The following MIDEAS variants were observed in gnomAD, a reference collection of about 807,000 sequenced individuals.
The protein encoded by MIDEAS is mitotic deacetylase-associated SANT domain protein.
MIDEAS carries 26 observed loss-of-function variants against 102.7 expected under a neutral mutation model. The ratio of observed to expected loss-of-function variants is 0.25; its 90% confidence interval spans 0.19 to 0.35. The LOEUF (loss-of-function observed/expected upper bound fraction) is 0.35. Ranked by LOEUF, MIDEAS falls within the 10% of genes least tolerant of loss-of-function variation. The pLI is 1.00. For missense variants in MIDEAS, 1,231 were observed against 1,435.6 expected, an observed-to-expected ratio of 0.86 and a Z score of 2.30; for synonymous variants, 585 against 591.0, an observed-to-expected ratio of 0.99 and a Z score of 0.15.
chr14:73,756,373 T>C (rs772223370), intron 1 of MIDEAS, among the ~76,000 whole-genome samples: 6 of 152,106 alleles, frequency 3.9e-5, no homozygotes, highest in Non-Finnish European at 5.9e-5. Context: ...AAAGTTATGC[T>C]GTAATGCTTC....
rs1371677068 is a variant in MIDEAS, at chr14:73,725,552, T to TA, written c.2486-193dup. Among the ~76,000 whole-genome samples, 1 of 152,178 alleles carries TA rather than the reference T, an allele frequency of 6.6e-6. No homozygotes were observed. Among genetic ancestry groups the TA allele is most frequent in the African/African-American group, 2.4e-5 (1 of 41,444 alleles). ...TTGTGAAATGGAAACTAATATCACC[T>TA]AGCTCACCAGCTGTGGTGAGGATTA... On this transcript the variant is annotated intron_variant, in intron 8 of 12. Coordinates refer to ENST00000423556, the MANE Select transcript of MIDEAS (RefSeq NM_001367710.1). This position sits in a 1 kb window ranked among gnomAD's most constrained non-coding sequence, Gnocchi z 4.1.
chr14:73,732,750 C>T (rs2053154437), intron 3 of MIDEAS, among the ~76,000 whole-genome samples: 1 of 135,494 alleles, frequency 7.4e-6, no homozygotes, highest in African/African-American at 2.9e-5. Flanking sequence ...CATGCCACTG[C>T]ACTCTAGCCG....
At position 73,745,885 on chromosome 14, in the gene MIDEAS, G is replaced by A. The variant is rs930612287; in HGVS notation, c.-247-5630C>T. 4.6e-5 allele frequency among the ~76,000 whole-genome samples: 7 copies of A among 152,186 alleles called. No homozygotes were observed. The South Asian group carries it at 1.0e-3, about 22-fold the overall frequency. On this transcript the variant is annotated intron_variant, in intron 1 of 12. Coordinates refer to ENST00000423556, the MANE Select transcript of MIDEAS (RefSeq NM_001367710.1). ...GAGAGAGCAGGCAAGAGGCCCTATGGTCGGCCCATTCCCAATCCAGACAGT... is the reference window on the plus strand; with the variant it reads ...GAGAGAGCAGGCAAGAGGCCCTATGATCGGCCCATTCCCAATCCAGACAGT...
At position 73,725,479 on chromosome 14, in the gene MIDEAS, C is replaced by T. The variant is rs2053048512; in HGVS notation, c.2486-119G>A. ...CCCATGGTTTCTGCAGGCATCAGAGCCGGCTCCTCGTCCCACTTCCATGTG... is the reference window on the plus strand; with the variant it reads ...CCCATGGTTTCTGCAGGCATCAGAGTCGGCTCCTCGTCCCACTTCCATGTG... On this transcript the variant is annotated intron_variant, in intron 8 of 12. Coordinates refer to ENST00000423556, the MANE Select transcript of MIDEAS (RefSeq NM_001367710.1). The surrounding 1 kb of genome is among the most constrained non-coding windows in gnomAD (Gnocchi z 4.1). 5.3e-6 allele frequency: 4 copies of T among 755,870 alleles called. No individual in the cohort carries two copies. Among genetic ancestry groups the T allele is most frequent in the Non-Finnish European group, 9.1e-6 (4 of 440,420 alleles). 46.8% of individuals were successfully genotyped at this position (755,870 alleles called of 1,614,324 possible).
chr14:73,720,451 T>C (rs1177860708), intron 11 of MIDEAS, among the ~76,000 whole-genome samples: 1 of 152,130 alleles, frequency 6.6e-6, no homozygotes, highest in Non-Finnish European at 1.5e-5. Flanking sequence ...TTTCACCTTG[T>C]TGGCCAGGCT....
At chr14:73,719,621 G>T in intron 11 of MIDEAS, 120 bp from the exon 12 acceptor site, 1 of 957,972 alleles carries the variant, frequency 1.0e-6, no homozygotes, top group Non-Finnish European at 1.6e-6. Flanking sequence ...CAGTCACCTA[G>T]CATGCACTTG....
intron 1 of MIDEAS, among the ~76,000 whole-genome samples, chr14:73,780,762 T>G (rs17091479): frequency 0.015 from 2,230 of 152,320 alleles, 57 homozygotes; most frequent in African/African-American, 0.051. Flanking sequence ...TGTTCTGCAC[T>G]TAGAAAACAG....
rs371049661 is a variant in MIDEAS at position 73,717,441 on chromosome 14, T to C, written c.*1402A>G. 5.3e-4 allele frequency: 81 copies of C among 152,360 alleles called. No homozygotes were observed. Among genetic ancestry groups the C allele is most frequent in the African/African-American group, 1.8e-3 (76 of 41,576 alleles). 9.4% of individuals were successfully genotyped at this position (152,360 alleles called of 1,614,324 possible). A position where few individuals can be genotyped will look rare whatever the true frequency, so the allele number is the denominator to read the frequency against. ...TAGAATTCTGGCCTCTTGCCAACTC[T>C]TCCCTCAGGCAAAGCACAGCCAGAG... On this transcript the variant is annotated 3_prime_UTR_variant, in exon 13 of 13. Transcript: ENST00000423556.
chr14:73,730,461 G>A (rs188511044), intron 3 of MIDEAS, among the ~76,000 whole-genome samples: 4 of 152,238 alleles, frequency 2.6e-5, no homozygotes, highest in African/African-American at 4.8e-5. Context: ...CAATCTTTCC[G>A]TGCATCTTCA....
chr14:73,747,905 G>A (rs1224058994), intron 1 of MIDEAS, among the ~76,000 whole-genome samples: 1 of 152,186 alleles, frequency 6.6e-6, no homozygotes, highest in Non-Finnish European at 1.5e-5. Flanking sequence ...ACAGAGCCCT[G>A]AGGGGACTCT....
At chr14:73,769,901 G>GTT (rs1566607782) in intron 1 of MIDEAS, among the ~76,000 whole-genome samples, 2 of 121,818 alleles carry the variant, frequency 1.6e-5, no homozygotes, top group South Asian at 2.8e-4. Flanking sequence ...TGCCCGGCTG[G>GTT]GTTTTTTTTT....
rs548271656 is a variant in MIDEAS, at chr14:73,777,522, C to A, written c.-248+9580G>T. ...CCGGCCCTGCCTGCCCCTTTCTGCA[C>A]CCCTCTCAGCCGTGCTCCACTGCCC... is the stretch of plus-strand genomic sequence containing the variant. On this transcript the variant is annotated intron_variant, in intron 1 of 11. Transcript: ENST00000394071. 2.4e-4 allele frequency among the ~76,000 whole-genome samples: 37 copies of A among 152,048 alleles called. 1 individual carries two copies. Among genetic ancestry groups the A allele is most frequent in the Admixed American group, 2.0e-4 (3 of 15,256 alleles).
At chr14:73,743,047 TCA>T (rs2053303172) in intron 1 of MIDEAS, among the ~76,000 whole-genome samples, 1 of 152,034 alleles carries the variant, frequency 6.6e-6, no homozygotes, top group African/African-American at 2.4e-5. Context: ...TTGCCTACGG[TCA>T]CACAGTCATT....
At chr14:73,727,576 C>A (rs749984957) in intron 4 of MIDEAS, 52 bp from the exon 5 acceptor site, 4 of 1,524,376 alleles carry the variant, frequency 2.6e-6, no homozygotes, top group Non-Finnish European at 3.6e-6. Flanking sequence ...CAGCAAAGCA[C>A]CCCCAATCCT....
chr14:73,767,099 C>T (rs1399294409), intron 1 of MIDEAS, among the ~76,000 whole-genome samples: 1 of 152,074 alleles, frequency 6.6e-6, no homozygotes, highest in African/African-American at 2.4e-5. Flanking sequence ...AAGTGATCCG[C>T]TGGCCTCAGC....
chr14:73,749,635 A>G (rs1027913344), intron 1 of MIDEAS, among the ~76,000 whole-genome samples: 1 of 150,158 alleles, frequency 6.7e-6, no homozygotes, highest in African/African-American at 2.4e-5. Context: ...CACTCTCTAC[A>G]ATAGATCATC....
In MIDEAS at chr14:73,729,845, G is replaced by GTA; in HGVS notation, c.1888_1889dup (p.Gln631ThrfsTer11). ...GCACGGGAGAGCGCAGGTGGCTCTG[G>GTA]TATGGGGTGATGTTGGAGTAGACGG... On this transcript the variant is annotated frameshift_variant, in exon 4 of 13. Transcript: ENST00000423556. LOFTEE classifies it high-confidence loss of function. The GTA allele has an allele frequency of 6.2e-7, 1 of 1,614,034 alleles. No individual in the cohort carries two copies. Among genetic ancestry groups the GTA allele is most frequent in the Non-Finnish European group, 8.5e-7 (1 of 1,180,026 alleles).
chr14:73,747,100 A>G (rs1196304496), intron 1 of MIDEAS, among the ~76,000 whole-genome samples: 1 of 151,900 alleles, frequency 6.6e-6, no homozygotes, highest in Non-Finnish European at 1.5e-5. Context: ...CTCAAGGCCT[A>G]CCTCCTCCAG....
At chr14:73,757,110 A>G (rs1448840338) in intron 1 of MIDEAS, among the ~76,000 whole-genome samples, 1 of 151,622 alleles carries the variant, frequency 6.6e-6, no homozygotes, top group Non-Finnish European at 1.5e-5. Context: ...CCATATCTAC[A>G]AAAATAGAAA....
Sources: allele counts gnomAD v4.1 joint callset (sites outside exome capture counted in the v4.1 genomes callset), GRCh38; gene constraint gnomAD v4.1.1; non-coding constraint Gnocchi (gnomAD v3.1); transcripts MANE v1.5; gene names NCBI Gene and HGNC (gene_info 2026-07-23, HGNC 2026-07-21).